UNC93A: variants seen among roughly 807,000 people sequenced by gnomAD.
UNC93A encodes N-acetylglucosamine transporter UNC93A.
Under a neutral mutation model 47.5 loss-of-function variants are expected in UNC93A, and 43 were observed. The observed-to-expected ratio is 0.91, with a 90% CI of 0.71 to 1.17. The LOEUF (loss-of-function observed/expected upper bound fraction) is 1.17, where lower values mean the gene tolerates loss of function less well. UNC93A is among the 50% of genes most tolerant of loss of function. The pLI is 0.00. For synonymous variants in UNC93A, 280 were observed against 258.0 expected (o/e 1.09, Z -0.82); for missense variants, 605 against 577.6 (o/e 1.05, Z -0.49).
At chr6:167,301,763 T>A (rs1409553417) in intron 4 of UNC93A, among the ~76,000 whole-genome samples, 1 of 152,146 alleles carries the variant, frequency 6.6e-6, no homozygotes, top group Non-Finnish European at 1.5e-5. Context: ...AAGACGAGAT[T>A]GTGAAGAAGG....
intron 5 of UNC93A, among the ~76,000 whole-genome samples, chr6:167,305,187 A>G (rs1227511409): frequency 1.3e-5 from 2 of 152,188 alleles, no homozygotes; most frequent in African/African-American, 2.4e-5. Flanking sequence ...ATAAACCACA[A>G]ATGTCTCTCC....
intron 1 of UNC93A, among the ~76,000 whole-genome samples, chr6:167,278,300 G>A (rs769525802): frequency 2.0e-5 from 3 of 152,158 alleles, no homozygotes; most frequent in South Asian, 2.1e-4. Context: ...GTCAGTAGCC[G>A]AAGAGGACAG....
chr6:167,285,076 G>A lies in UNC93A; in HGVS notation c.-51-6363G>A, dbSNP rs139663230. On this transcript the variant is annotated intron_variant, in intron 1 of 3. Transcript: ENST00000503433. Reference sequence around the variant, plus strand: ...AACCTGTTCCTTCCCACACCGTCTGGGCCTTCGGGCCCTGCCAGGTGGCAC... The same window carrying A: ...AACCTGTTCCTTCCCACACCGTCTGAGCCTTCGGGCCCTGCCAGGTGGCAC... 6.5e-3 allele frequency among the ~76,000 whole-genome samples: 996 copies of A among 152,256 alleles called. 3 individuals are homozygous for A. The highest frequency in any genetic ancestry group is 0.022 in the African/African-American group (933 of 41,560).
At chr6:167,277,052 C>T (rs1204811487) in intron 1 of UNC93A, among the ~76,000 whole-genome samples, 1 of 152,226 alleles carries the variant, frequency 6.6e-6, no homozygotes, top group Non-Finnish European at 1.5e-5. Flanking sequence ...CACAGACTCC[C>T]CTGATGTGGG....
At chr6:167,310,879 T>A (rs1421681027) in intron 7 of UNC93A, among the ~76,000 whole-genome samples, 2 of 152,130 alleles carry the variant, frequency 1.3e-5, no homozygotes, top group African/African-American at 4.8e-5. Flanking sequence ...AGACTCTGTC[T>A]CACAAAAAAA....
At chr6:167,273,206 G>A (rs12527507) in intron 1 of UNC93A, among the ~76,000 whole-genome samples, 55,757 of 151,960 alleles carry the variant, frequency 0.37, 10,480 homozygotes, top group South Asian at 0.43. Context: ...TCCTTCCCGG[G>A]CTTGTGCACG....
Position 167,315,214 on chromosome 6 carries a change from G to A in UNC93A, c.1136G>A (p.Ser379Asn). Residue 379 changes from serine to asparagine, a missense_variant, in exon 8 of 8, where the codon AGC becomes AAC. Coordinates refer to ENST00000230256, the MANE Select transcript of UNC93A (RefSeq NM_018974.4). ...NALYGVLFEKSKEAAFANYRL... is the reference protein window; with the variant it reads ...NALYGVLFEKNKEAAFANYRL... Reference sequence around the variant, plus strand: ...CTCTACGGCGTTCTGTTTGAGAAGAGCAAGGAAGCTGCCTTCGCCAATTAC... The same window carrying A: ...CTCTACGGCGTTCTGTTTGAGAAGAACAAGGAAGCTGCCTTCGCCAATTAC... 2.5e-6 allele frequency: 4 copies of A among 1,613,744 alleles called. No individual in the cohort carries two copies. Among genetic ancestry groups the A allele is most frequent in the Non-Finnish European group, 3.4e-6 (4 of 1,179,882 alleles).
intron 1 of UNC93A, among the ~76,000 whole-genome samples, chr6:167,273,088 C>T (rs550204007): frequency 2.6e-5 from 4 of 152,316 alleles, no homozygotes; most frequent in Non-Finnish European, 2.9e-5. Flanking sequence ...AAGCCGCTAA[C>T]GTGAACGTGC....
chr6:167,284,173 G>T (rs1426167558), intron 1 of UNC93A, among the ~76,000 whole-genome samples: 2 of 151,884 alleles, frequency 1.3e-5, no homozygotes, highest in Non-Finnish European at 2.9e-5. Flanking sequence ...AAACACTAGG[G>T]ATGGGGCAGA....
rs1778677110 is a variant in UNC93A at position 167,315,813 on chromosome 6, G to C, written c.*361G>C. 1 of 191,906 alleles carries C rather than the reference G, an allele frequency of 5.2e-6. No homozygotes were observed. The highest frequency in any genetic ancestry group is 8.7e-5 in the South Asian group (1 of 11,434). 11.9% of individuals were successfully genotyped at this position (191,906 alleles called of 1,614,324 possible). On this transcript the variant is annotated 3_prime_UTR_variant, in exon 8 of 8. Coordinates refer to ENST00000230256, the MANE Select transcript of UNC93A (RefSeq NM_018974.4). ...GGAAGCCTGCTTAAAAAATGTAGTT[G>C]AGCCCCATAATTTTACAAATGGGCG... is the stretch of plus-strand genomic sequence containing the variant.
At chr6:167,290,932 A>G (rs185550520), upstream of UNC93A, among the ~76,000 whole-genome samples, 2 of 152,328 alleles carry the variant, frequency 1.3e-5, no homozygotes, top group African/African-American at 4.8e-5. Context: ...GTGAAACTGT[A>G]CAGTCTTTGC....
intron 5 of UNC93A, among the ~76,000 whole-genome samples, chr6:167,304,816 T>C (rs1238733612): frequency 6.6e-6 from 1 of 152,204 alleles, no homozygotes; most frequent in Non-Finnish European, 1.5e-5. Flanking sequence ...GTGATCTGCC[T>C]GCCTCGGCCT....
intron 1 of UNC93A, among the ~76,000 whole-genome samples, chr6:167,279,893 T>G (rs1031152379): frequency 6.6e-6 from 1 of 152,198 alleles, no homozygotes; most frequent in Non-Finnish European, 1.5e-5. Context: ...CAGTTGAATT[T>G]AGTTTGAATT....
At chr6:167,286,910 G>A (rs978659180), upstream of UNC93A, among the ~76,000 whole-genome samples, 18 of 150,078 alleles carry the variant, frequency 1.2e-4, no homozygotes, top group Non-Finnish European at 1.5e-4. Flanking sequence ...CCCGGGAGGC[G>A]GATGTTGCAG....
intron 7 of UNC93A, among the ~76,000 whole-genome samples, chr6:167,308,426 T>C (rs1266826621): frequency 6.6e-6 from 1 of 152,014 alleles, no homozygotes; most frequent in Non-Finnish European, 1.5e-5. Flanking sequence ...TGGGGCATCC[T>C]GGGCAGTGGT....
intron 4 of UNC93A, among the ~76,000 whole-genome samples, chr6:167,302,026 A>G (rs1056752553): frequency 2.6e-5 from 4 of 152,194 alleles, no homozygotes; most frequent in Admixed American, 2.0e-4. Context: ...GAGAATCTTG[A>G]GTTATGAAAT....
intron 1 of UNC93A, among the ~76,000 whole-genome samples, chr6:167,276,762 G>A (rs1347685505): frequency 6.8e-6 from 1 of 147,424 alleles, no homozygotes; most frequent in Non-Finnish European, 1.5e-5. Context: ...TCAAGTCTAA[G>A]CAAAAAAAAT....
chr6:167,270,373 G>A (rs1482483746), upstream of UNC93A, among the ~76,000 whole-genome samples: 1 of 152,146 alleles, frequency 6.6e-6, no homozygotes, highest in African/African-American at 2.4e-5. Flanking sequence ...TATGAGCAGA[G>A]GGTGCAATGC....
Position 167,298,025 on chromosome 6 carries a change from A to T in UNC93A, c.580A>T (p.Arg194Trp), listed in dbSNP as rs199890464. 1.9e-6 allele frequency: 3 copies of T among 1,613,912 alleles called. No individual in the cohort carries two copies. Among genetic ancestry groups the T allele is most frequent in the Non-Finnish European group, 2.5e-6 (3 of 1,179,982 alleles). Residue 194 changes from arginine (R) to tryptophan (W), a missense_variant, in exon 4 of 8, where the codon AGG (arginine) becomes TGG (tryptophan). Transcript: ENST00000230256. ...CACCACAACCACCAACAGCACCCAG[A>T]GGCCCTCCCAGCAGCTGGTCTACAC... ...MATTTTNSTQ[R>W]PSQQLVYTLL...
Sources: gnomAD v4.1 joint callset for allele counts (sites outside exome capture counted in the v4.1 genomes callset) on GRCh38, gnomAD v4.1.1 for gene constraint, MANE v1.5 for transcripts, NCBI Gene and HGNC (gene_info 2026-07-23, HGNC 2026-07-21) for gene names.